PRDM2: variants seen among roughly 807,000 people sequenced by gnomAD.
PRDM2 encodes the protein PR/SET domain 2.
A neutral mutation model predicts 130.0 loss-of-function variants in PRDM2; 30 were observed. The ratio of observed to expected loss-of-function variants is 0.23; its 90% confidence interval spans 0.17 to 0.31. The LOEUF (loss-of-function observed/expected upper bound fraction) is 0.31. PRDM2 is among the 10% of genes least tolerant of loss of function. PRDM2 has a pLI of 1.00. For missense variants in PRDM2, 2,011 were observed against 2,108.4 expected (o/e 0.95, Z 0.90); for synonymous variants, 871 against 782.4 (o/e 1.11, Z -1.89).
chr1:13,780,217 G>A lies in PRDM2; in HGVS notation c.2422G>A (p.Glu808Lys). Residue 808 changes from glutamate to lysine, a missense_variant, in exon 8 of 10, where the codon GAG (glutamate) becomes AAG (lysine). Glu to Lys is a moderately conservative substitution (Grantham distance 56). Transcript: ENST00000311066. ...CTTTGATGAATATAAAATGTCTAAA[G>A]AGTGGACAGCTAGTTCTGCTTTTAG... The part of the protein sequence containing the change: ...PCFDEYKMSK[E>K]WTASSAFSSV... 6.2e-7 allele frequency: 1 copy of A among 1,607,796 alleles called. No individual in the cohort carries two copies. The highest frequency in any genetic ancestry group is 1.1e-5 in the South Asian group (1 of 90,382).
In PRDM2 at chr1:13,781,817, G is replaced by C. The variant is rs1644619166; in HGVS notation, c.4022G>C (p.Gly1341Ala). 1.2e-6 allele frequency: 2 copies of C among 1,614,192 alleles called. No homozygotes were observed. The highest frequency in any genetic ancestry group is 2.2e-5 in the South Asian group (2 of 91,088). ...ATTCGCTGCACAAAGTGTGGAAAAG[G>C]TGTCGACAATATGCCGGAGTTGCAC... ...TAIRCTKCGKGVDNMPELHKH... is the reference protein window; with the variant it reads ...TAIRCTKCGKAVDNMPELHKH... Residue 1341 changes from glycine (G) to alanine (A), a missense_variant, in exon 8 of 10, where the codon GGT becomes GCT. By Grantham distance (60) the Gly-to-Ala change is moderately conservative. This residue lies in a region of PRDM2 where 229 missense variants were observed against 364.1 expected (regional missense o/e 0.63). Transcript: ENST00000311066. The surrounding 1 kb of genome is among the most constrained non-coding windows in gnomAD (Gnocchi z 6.1).
Position 13,823,333 on chromosome 1 carries a change from C to A in PRDM2, c.*198C>A. ...CTCGTGCGGGCGCGTGAGTGGTCTT[C>A]AAACGAGGGTCCCGATCCCCGGGGC... is the stretch of plus-strand genomic sequence containing the variant. On this transcript the variant is annotated 3_prime_UTR_variant, in exon 10 of 10. Coordinates refer to ENST00000311066, the MANE Select transcript of PRDM2 (RefSeq NM_001393986.1). The A allele has an allele frequency of 1.1e-6, 1 of 951,360 alleles. No individual in the cohort carries two copies. Among genetic ancestry groups the A allele is most frequent in the Non-Finnish European group, 1.6e-6 (1 of 612,370 alleles). The allele number at this position is 951,360 out of a possible 1,614,324, so 58.9% of individuals were successfully genotyped here.
chr1:13,735,574 G>C (rs1054744921), intron 4 of PRDM2, among the ~76,000 whole-genome samples: 1 of 151,728 alleles, frequency 6.6e-6, no homozygotes, highest in Non-Finnish European at 1.5e-5. Flanking sequence ...TGTTTTTGGA[G>C]CAGTTTTAGG....
chr1:13,782,903 T>G (rs1280762787), intron 8 of PRDM2, 72 bp downstream of exon 8: 1 of 1,580,668 alleles, frequency 6.3e-7, no homozygotes, highest in African/African-American at 1.4e-5. Flanking sequence ...TGTTTTTTGG[T>G]TTCTTGTTGC....
chr1:13,703,735 A>G (rs796533998), intron 1 of PRDM2, among the ~76,000 whole-genome samples: 53 of 152,384 alleles, frequency 3.5e-4, no homozygotes, highest in African/African-American at 1.2e-3. Flanking sequence ...ATTTAAGCAT[A>G]TAGACCATTA....
At chr1:13,725,207 T>C (rs1642871787) in intron 2 of PRDM2, among the ~76,000 whole-genome samples, 1 of 152,152 alleles carries the variant, frequency 6.6e-6, no homozygotes, top group Non-Finnish European at 1.5e-5. Flanking sequence ...GAGTCCTATG[T>C]ACTCTATTTA....
intron 9 of PRDM2, among the ~76,000 whole-genome samples, chr1:13,820,569 T>G (rs1032173026): frequency 6.6e-6 from 1 of 152,246 alleles, no homozygotes; most frequent in Non-Finnish European, 1.5e-5. Context: ...ATTGTGATCC[T>G]TCTCTCAGCT....
intron 2 of PRDM2, among the ~76,000 whole-genome samples, chr1:13,721,878 C>T (rs950163918): frequency 2.0e-5 from 3 of 152,110 alleles, no homozygotes; most frequent in African/African-American, 4.8e-5. Context: ...GGCAAGTCCT[C>T]GGCTTATTTG....
chr1:13,822,994 G>A (rs948202558), intron 9 of PRDM2, among the ~76,000 whole-genome samples, 165 bp from the exon 10 acceptor site: 14 of 152,156 alleles, frequency 9.2e-5, no homozygotes, highest in African/African-American at 2.9e-4. Context: ...AGCTCTGCAG[G>A]TGTATTCACT....
At chr1:13,810,960 G>T (rs1409718447) in intron 8 of PRDM2, among the ~76,000 whole-genome samples, 1 of 151,788 alleles carries the variant, frequency 6.6e-6, no homozygotes, top group East Asian at 2.0e-4. Flanking sequence ...CGAGGTGGGT[G>T]GATCACCTGA....
intron 9 of PRDM2, among the ~76,000 whole-genome samples, chr1:13,819,355 C>T (rs1028124259): frequency 6.6e-6 from 1 of 152,176 alleles, no homozygotes; most frequent in African/African-American, 2.4e-5. Context: ...TAAAAACATA[C>T]AGTTTCCCAA....
At chr1:13,711,077 T>A (rs1222858872) in intron 1 of PRDM2, among the ~76,000 whole-genome samples, 2 of 103,602 alleles carry the variant, frequency 1.9e-5, no homozygotes, top group African/African-American at 4.7e-5. Flanking sequence ...AGAGTGAGGC[T>A]CTGTCTCAAA....
rs146312888 is a variant in PRDM2, at chr1:13,775,092, C to A, written c.622+1904C>A. On this transcript the variant is annotated intron_variant, in intron 7 of 9. Coordinates refer to ENST00000311066, the MANE Select transcript of PRDM2 (RefSeq NM_001393986.1). Reference sequence around the variant, plus strand: ...GTTGTCCTCAGCAAATGGTCTATACCATGAGCAAACAGTTCAGACTCTTCT... The same window carrying A: ...GTTGTCCTCAGCAAATGGTCTATACAATGAGCAAACAGTTCAGACTCTTCT... 2.4e-4 allele frequency among the ~76,000 whole-genome samples: 37 copies of A among 152,352 alleles called. 1 individual carries two copies. The East Asian group carries it at 6.2e-3, about 25-fold the overall frequency.
At chr1:13,713,537 A>T (rs570735988) in intron 1 of PRDM2, among the ~76,000 whole-genome samples, 43 of 152,358 alleles carry the variant, frequency 2.8e-4, no homozygotes, top group Middle Eastern at 6.8e-3. Context: ...GATACCGATG[A>T]TTCTTGTGAG....
intron 7 of PRDM2, among the ~76,000 whole-genome samples, chr1:13,776,480 C>T (rs1644478568): frequency 6.6e-6 from 1 of 152,194 alleles, no homozygotes; most frequent in African/African-American, 2.4e-5. Context: ...TTTAAGAATC[C>T]CCTCTTGTCC....
chr1:13,760,725 G>C (rs972597995), intron 6 of PRDM2, among the ~76,000 whole-genome samples: 62 of 152,130 alleles, frequency 4.1e-4, no homozygotes, highest in African/African-American at 1.5e-3. Flanking sequence ...AGGTTGCTGT[G>C]AGCATTAAGT....
chr1:13,710,443 T>G (rs1051349690), intron 1 of PRDM2, among the ~76,000 whole-genome samples: 10 of 152,262 alleles, frequency 6.6e-5, no homozygotes, highest in African/African-American at 2.4e-4. Context: ...TTTATGCTAT[T>G]AATAAATGTT....
At chr1:13,802,847 A>G (rs1335911870) in intron 8 of PRDM2, among the ~76,000 whole-genome samples, 2 of 152,192 alleles carry the variant, frequency 1.3e-5, no homozygotes, top group Non-Finnish European at 2.9e-5. Flanking sequence ...GAAGAAAGCA[A>G]TATGTTTCAG....
rs1642506542 is a variant in PRDM2 at position 13,715,563 on chromosome 1, T to C, written c.-43T>C. 1 of 1,533,238 alleles carries C rather than the reference T, an allele frequency of 6.5e-7. No individual in the cohort carries two copies. The highest frequency in any genetic ancestry group is 1.3e-5 in the South Asian group (1 of 79,370). 95.0% of individuals were successfully genotyped at this position (1,533,238 alleles called of 1,614,324 possible). ...TAGGGTTCATGTAATCAAAGAAGTT[T>C]CTTTGTTGTGTGTATCTTTACAGAA... On this transcript the variant is annotated 5_prime_UTR_variant, in exon 2 of 10. Coordinates refer to ENST00000311066, the MANE Select transcript of PRDM2 (RefSeq NM_001393986.1).
Sources: allele counts gnomAD v4.1 joint callset (sites outside exome capture counted in the v4.1 genomes callset), GRCh38; gene constraint gnomAD v4.1.1; regional missense constraint gnomAD v4.1.1; non-coding constraint Gnocchi (gnomAD v3.1); transcripts MANE v1.5; gene names NCBI Gene and HGNC (gene_info 2026-07-23, HGNC 2026-07-21).